Variants in FER1L6 observed in about 807,000 individuals in gnomAD.
FER1L6 encodes the protein fer-1-like protein 6.
Under a neutral mutation model 219.2 loss-of-function variants are expected in FER1L6, and 177 were observed. The observed-to-expected ratio is 0.81, with a 90% CI of 0.71 to 0.91. The LOEUF is 0.91. FER1L6 is among the 40% of genes least tolerant of loss of function. The pLI, the probability that FER1L6 is intolerant of heterozygous loss-of-function variation, is 0.00. For synonymous variants in FER1L6, 768 were observed against 824.3 expected, an observed-to-expected ratio of 0.93 and a Z score of 1.17; for missense variants, 2,153 against 2,259.9, an observed-to-expected ratio of 0.95 and a Z score of 0.96.
intron 20 of FER1L6, 21 bp downstream of exon 20, chr8:124,040,027 A>T (rs1387597021): frequency 6.2e-7 from 1 of 1,613,876 alleles, no homozygotes; most frequent in Non-Finnish European, 8.5e-7. Context: ...TAACCAAGAC[A>T]GCCTGCTTCT....
At chr8:124,057,057 CA>C (rs1820331152) in intron 22 of FER1L6, among the ~76,000 whole-genome samples, 1 of 151,984 alleles carries the variant, frequency 6.6e-6, no homozygotes, top group African/African-American at 2.4e-5. Flanking sequence ...AACAAAAAAA[CA>C]AAAACAAAAA....
chr8:124,047,903 C>A (rs556558764), intron 21 of FER1L6, among the ~76,000 whole-genome samples: 1 of 152,282 alleles, frequency 6.6e-6, no homozygotes, highest in South Asian at 2.1e-4. Context: ...TTCCCAATGG[C>A]CTCATAAGAA....
chr8:123,924,498 TA>T (rs1355228774), intron 1 of FER1L6, among the ~76,000 whole-genome samples: 4 of 151,112 alleles, frequency 2.6e-5, no homozygotes, highest in African/African-American at 9.8e-5. Flanking sequence ...GCCGAGATCA[TA>T]CTTCAGCCCG....
intron 38 of FER1L6, 24 bp from the exon 39 acceptor site, chr8:124,103,118 CCTAA>C (rs1391851271): frequency 1.2e-6 from 2 of 1,600,982 alleles, no homozygotes; most frequent in South Asian, 1.1e-5. Context: ...AAAATGCTTC[CCTAA>C]CTGTTAGGGT....
chr8:124,097,967 G>A, intron 37 of FER1L6, 84 bp downstream of exon 37: 1 of 739,122 alleles, frequency 1.4e-6, no homozygotes, highest in Non-Finnish European at 2.4e-6. Flanking sequence ...CCTCATGGAG[G>A]ATACTAAACC....
intron 20 of FER1L6, among the ~76,000 whole-genome samples, chr8:124,042,896 T>C (rs568835647): frequency 1.3e-5 from 2 of 152,236 alleles, no homozygotes; most frequent in South Asian, 2.1e-4. Flanking sequence ...AATCTTGTGA[T>C]TGAAATACAA....
chr8:123,942,725 A>G (rs1043049885), intron 1 of FER1L6, among the ~76,000 whole-genome samples: 2 of 152,148 alleles, frequency 1.3e-5, no homozygotes, highest in Admixed American at 1.3e-4. Flanking sequence ...CCACTGGGTA[A>G]TCCAGGAGAG....
intron 2 of FER1L6, among the ~76,000 whole-genome samples, chr8:123,961,481 G>A (rs372107903): frequency 9.9e-5 from 15 of 152,246 alleles, no homozygotes; most frequent in African/African-American, 3.6e-4. Flanking sequence ...AAATTAAGAA[G>A]GTAGACTTTA....
chr8:124,061,358 T>C (rs1490693776), intron 24 of FER1L6, among the ~76,000 whole-genome samples: 1 of 152,102 alleles, frequency 6.6e-6, no homozygotes, highest in Non-Finnish European at 1.5e-5. Context: ...TATCCCCAGT[T>C]AGCAAAGCCT....
intron 1 of FER1L6, among the ~76,000 whole-genome samples, chr8:123,891,332 A>G (rs1404115484): frequency 6.6e-6 from 1 of 152,178 alleles, no homozygotes; most frequent in African/African-American, 2.4e-5. Context: ...GCTTGTTCTT[A>G]CTTTGTCCTG....
chr8:123,913,971 T>G (rs1276109504), intron 1 of FER1L6, among the ~76,000 whole-genome samples: 1 of 152,226 alleles, frequency 6.6e-6, no homozygotes, highest in Non-Finnish European at 1.5e-5. Flanking sequence ...GAAATGGGTC[T>G]TGCAATTGCA....
At chr8:123,944,204 C>T (rs146153614) in intron 1 of FER1L6, among the ~76,000 whole-genome samples, 91 of 151,824 alleles carry the variant, frequency 6.0e-4, no homozygotes, top group African/African-American at 1.9e-3. Flanking sequence ...GCTATGATGA[C>T]TGTCCCAGAG....
At position 123,900,880 on chromosome 8, in the gene FER1L6, G is replaced by A. The variant is rs866471627; in HGVS notation, c.-8+48695G>A. On this transcript the variant is annotated intron_variant, in intron 1 of 40. Coordinates refer to ENST00000522917, the MANE Select transcript of FER1L6 (RefSeq NM_001039112.2). ...CTTGATCATGGTGGATTATCTTTTT[G>A]ATATGTTGTTGGATTCGGTTAGCTA... Among the ~76,000 whole-genome samples the A allele has an allele frequency of 2.6e-5, 4 of 152,202 alleles. No homozygotes were observed. The South Asian group carries it at 8.3e-4, about 32-fold the overall frequency.
chr8:123,977,556 C>T lies in FER1L6; in HGVS notation c.1010C>T (p.Ala337Val). The change falls in exon 10 of 41, where the codon GCA (alanine) becomes GTA (valine). Residue 337 changes from alanine (A) to valine (V), a missense_variant. By Grantham distance (64) the Ala-to-Val change is moderately conservative. Coordinates refer to ENST00000522917, the MANE Select transcript of FER1L6 (RefSeq NM_001039112.2). ...DEGSMNDVAL[A>V]THFIDLKKIS... Reference sequence around the variant, plus strand: ...GGCAGCATGAATGACGTAGCCCTGGCAACCCATTTCATTGACCTGAAGAAA... The same window carrying T: ...GGCAGCATGAATGACGTAGCCCTGGTAACCCATTTCATTGACCTGAAGAAA... 3 of 1,614,094 alleles carry T rather than the reference C, an allele frequency of 1.9e-6. No homozygotes were observed. The highest frequency in any genetic ancestry group is 2.5e-6 in the Non-Finnish European group (3 of 1,179,994).
chr8:123,918,898 G>A (rs532490595), intron 1 of FER1L6, among the ~76,000 whole-genome samples: 5 of 152,164 alleles, frequency 3.3e-5, no homozygotes, highest in South Asian at 2.1e-4. Flanking sequence ...AGGGTCAGGC[G>A]TGGGGTATGG....
At chr8:123,898,797 A>ATATGTAAATATATACG (rs1554613191) in intron 1 of FER1L6, among the ~76,000 whole-genome samples, 4 of 143,056 alleles carry the variant, frequency 2.8e-5, no homozygotes, top group Admixed American at 7.0e-5. Flanking sequence ...ACATATATAC[A>ATATGTAAATATATACG]TATATACACA....
intron 12 of FER1L6, among the ~76,000 whole-genome samples, chr8:123,986,701 C>G (rs1297115274): frequency 6.6e-6 from 1 of 152,158 alleles, no homozygotes; most frequent in East Asian, 1.9e-4. Context: ...TCATTTCACT[C>G]TCTATCTCAA....
chr8:123,980,554 G>A lies in FER1L6; in HGVS notation c.1153G>A (p.Glu385Lys), dbSNP rs766870924. The change falls in exon 11 of 41, where the codon GAA becomes AAA. Residue 385 changes from glutamate to lysine, a missense_variant. Coordinates refer to ENST00000522917, the MANE Select transcript of FER1L6 (RefSeq NM_001039112.2). ...SLMDDYQEMN[E>K]GFGEGVSFRG... ...GATGGATGACTACCAGGAAATGAACGAAGGCTTTGGGGAAGGTGTGTCATT... is the reference window on the plus strand; with the variant it reads ...GATGGATGACTACCAGGAAATGAACAAAGGCTTTGGGGAAGGTGTGTCATT... The A allele has an allele frequency of 6.8e-6, 11 of 1,614,114 alleles. No individual in the cohort carries two copies. Among genetic ancestry groups the A allele is most frequent in the East Asian group, 2.2e-5 (1 of 44,868 alleles).
At chr8:124,027,578 G>C (rs1818765140) in intron 18 of FER1L6, among the ~76,000 whole-genome samples, 1 of 152,152 alleles carries the variant, frequency 6.6e-6, no homozygotes, top group African/African-American at 2.4e-5. Flanking sequence ...TTTTGTTTTA[G>C]AGACAGCACC....
Sources: allele counts gnomAD v4.1 joint callset (sites outside exome capture counted in the v4.1 genomes callset), GRCh38; gene constraint gnomAD v4.1.1; transcripts MANE v1.5; gene names NCBI Gene and HGNC (gene_info 2026-07-23, HGNC 2026-07-21).